The following ARHGAP15 variants were observed in gnomAD, a reference collection of about 807,000 sequenced individuals.
ARHGAP15 encodes rho GTPase-activating protein 15.
ARHGAP15 carries 51 observed loss-of-function variants against 63.7 expected under a neutral mutation model. The ratio of observed to expected loss-of-function variants is 0.80; its 90% confidence interval spans 0.64 to 1.01. ARHGAP15 has a LOEUF of 1.01. Among genes scored for constraint, ARHGAP15 ranks in the 50% least tolerant of loss-of-function variants. The pLI is 0.00. For synonymous variants in ARHGAP15, 191 were observed against 193.8 expected (o/e 0.99, Z 0.12); for missense variants, 560 against 564.6 (o/e 0.99, Z 0.08).
chr2:143,419,379 ATTCTAT>A (rs897372628), intron 6 of ARHGAP15, among the ~76,000 whole-genome samples: 20 of 152,242 alleles, frequency 1.3e-4, no homozygotes, highest in African/African-American at 4.8e-4. Context: ...TGACCTAGTA[ATTCTAT>A]TTCTAACAAT....
At chr2:143,614,918 G>A (rs149683237) in intron 11 of ARHGAP15, among the ~76,000 whole-genome samples, 56 of 152,296 alleles carry the variant, frequency 3.7e-4, no homozygotes, top group African/African-American at 1.2e-3. Flanking sequence ...GGTTTGTTTA[G>A]GCCAGAATAA....
At chr2:143,393,357 T>C (rs1030296300) in intron 6 of ARHGAP15, among the ~76,000 whole-genome samples, 1 of 152,202 alleles carries the variant, frequency 6.6e-6, no homozygotes, top group Non-Finnish European at 1.5e-5. Flanking sequence ...AGAAGAATGC[T>C]AGTTATCCAT....
chr2:143,685,054 G>A (rs1328361266), intron 12 of ARHGAP15, among the ~76,000 whole-genome samples: 1 of 152,212 alleles, frequency 6.6e-6, no homozygotes. Flanking sequence ...GGGGGGCACT[G>A]TGTTTGTTTA....
At chr2:143,574,238 A>G (rs1178992517) in intron 11 of ARHGAP15, among the ~76,000 whole-genome samples, 1 of 152,152 alleles carries the variant, frequency 6.6e-6, no homozygotes, top group Non-Finnish European at 1.5e-5. Flanking sequence ...TTGCAAAACA[A>G]CATGAGTGTA....
chr2:143,761,848 C>T (rs1686770516), intron 13 of ARHGAP15, among the ~76,000 whole-genome samples: 2 of 152,016 alleles, frequency 1.3e-5, no homozygotes, highest in African/African-American at 4.8e-5. Context: ...ACTCACATTT[C>T]CTTTTTTTAA....
chr2:143,463,469 G>A (rs1398977412), intron 8 of ARHGAP15, among the ~76,000 whole-genome samples: 1 of 150,172 alleles, frequency 6.7e-6, no homozygotes, highest in Non-Finnish European at 1.5e-5. Context: ...TAACCCTGGA[G>A]GCAGAAGTTG....
intron 11 of ARHGAP15, among the ~76,000 whole-genome samples, chr2:143,594,874 G>A (rs1237229075): frequency 6.6e-6 from 1 of 152,100 alleles, no homozygotes; most frequent in Non-Finnish European, 1.5e-5. Flanking sequence ...CTTAAATAAT[G>A]TTAAGGTTAT....
intron 6 of ARHGAP15, among the ~76,000 whole-genome samples, chr2:143,268,215 T>C (rs753997677): frequency 5.9e-5 from 9 of 151,568 alleles, no homozygotes; most frequent in Non-Finnish European, 1.2e-4. Context: ...TGGTGTTAAA[T>C]CCTATTTTTC....
intron 12 of ARHGAP15, among the ~76,000 whole-genome samples, chr2:143,642,628 A>T (rs1172373686): frequency 6.6e-6 from 1 of 152,078 alleles, no homozygotes; most frequent in Non-Finnish European, 1.5e-5. Flanking sequence ...GTACTGAAGA[A>T]GTAAGAGGTA....
chr2:143,661,986 C>G lies in ARHGAP15; in HGVS notation c.1138+37719C>G, dbSNP rs551949614. ...ACCAAACTGCAAGGCGGCAGCGAGGCTGGGGGAGGGGCGCCCGCCATTGCC... is the reference window on the plus strand; with the variant it reads ...ACCAAACTGCAAGGCGGCAGCGAGGGTGGGGGAGGGGCGCCCGCCATTGCC... On this transcript the variant is annotated intron_variant, in intron 12 of 13. Transcript: ENST00000295095. 2.2e-3 allele frequency among the ~76,000 whole-genome samples: 342 copies of G among 152,324 alleles called. 3 individuals carry two copies. Among genetic ancestry groups the G allele is most frequent in the Non-Finnish European group, 1.0e-3 (71 of 68,028 alleles).
chr2:143,759,718 G>A (rs983477811), intron 13 of ARHGAP15, among the ~76,000 whole-genome samples: 2 of 152,088 alleles, frequency 1.3e-5, no homozygotes, highest in African/African-American at 4.8e-5. Context: ...CCTGATATGT[G>A]CACCTCGACA....
intron 6 of ARHGAP15, among the ~76,000 whole-genome samples, chr2:143,357,552 G>T (rs867774768): frequency 6.6e-5 from 10 of 152,070 alleles, no homozygotes; most frequent in Admixed American, 5.2e-4. Context: ...GCAGAAAAAT[G>T]CACATAATAA....
chr2:143,677,295 C>T (rs1682875405), intron 12 of ARHGAP15, among the ~76,000 whole-genome samples: 1 of 152,220 alleles, frequency 6.6e-6, no homozygotes, highest in South Asian at 2.1e-4. Context: ...GTTAACTGAA[C>T]CATGAATGGA....
At chr2:143,685,292 C>A (rs1683283130) in intron 12 of ARHGAP15, among the ~76,000 whole-genome samples, 1 of 152,194 alleles carries the variant, frequency 6.6e-6, no homozygotes, top group South Asian at 2.1e-4. Flanking sequence ...GATTACAGTG[C>A]AGAAGCACTG....
At chr2:143,605,239 G>C (rs1192295631) in intron 11 of ARHGAP15, among the ~76,000 whole-genome samples, 4 of 152,076 alleles carry the variant, frequency 2.6e-5, no homozygotes, top group African/African-American at 9.7e-5. Flanking sequence ...TTGACTAAAT[G>C]CTCACAACAG....
At chr2:143,682,677 C>A (rs1315902102) in intron 12 of ARHGAP15, 1 of 152,142 alleles carries the variant, frequency 6.6e-6, no homozygotes, top group Non-Finnish European at 1.5e-5. Flanking sequence ...TCAGTACTTA[C>A]CAATAGCTAC....
At chr2:143,508,037 CCT>C (rs200893987) in intron 9 of ARHGAP15, among the ~76,000 whole-genome samples, 8 of 151,686 alleles carry the variant, frequency 5.3e-5, no homozygotes, top group African/African-American at 1.7e-4. Flanking sequence ...GTCACCCCCC[CCT>C]CCTCCATAAT....
At chr2:143,745,760 G>T (rs116137947) in intron 13 of ARHGAP15, among the ~76,000 whole-genome samples, 141 of 152,298 alleles carry the variant, frequency 9.3e-4, no homozygotes, top group Non-Finnish European at 1.5e-3. Context: ...GGAAGGAAAA[G>T]GTGTTTAAAA....
chr2:143,186,414 C>T (rs939950192), intron 2 of ARHGAP15, among the ~76,000 whole-genome samples: 2 of 152,066 alleles, frequency 1.3e-5, no homozygotes, highest in Non-Finnish European at 2.9e-5. Context: ...TTACAAAATT[C>T]GTTTATATTA....
Sources: gnomAD v4.1 joint callset for allele counts (sites outside exome capture counted in the v4.1 genomes callset) on GRCh38, gnomAD v4.1.1 for gene constraint, MANE v1.5 for transcripts, NCBI Gene and HGNC (gene_info 2026-07-23, HGNC 2026-07-21) for gene names.